GALNT13: variants seen among roughly 807,000 people sequenced by gnomAD.
GALNT13 encodes polypeptide N-acetylgalactosaminyltransferase 13.
Under a neutral mutation model 64.2 loss-of-function variants are expected in GALNT13, and 28 were observed. The ratio of observed to expected loss-of-function variants is 0.44; its 90% CI spans 0.32 to 0.60. GALNT13 has a LOEUF of 0.60. Ranked by LOEUF, GALNT13 falls within the 20% of genes least tolerant of loss-of-function variation. The pLI is 0.05. For synonymous variants in GALNT13, 214 were observed against 224.6 expected (o/e 0.95, Z 0.42); for missense variants, 577 against 669.8 (o/e 0.86, Z 1.53).
the GALNT13 span, among the ~76,000 whole-genome samples, chr2:153,266,442 G>C: frequency 0.026 from 3,987 of 152,230 alleles, 178 homozygotes; most frequent in African/African-American, 0.09. Context: ...GATACTGCCT[G>C]AGACTGGGTA....
chr2:153,772,596 C>A, the GALNT13 span, among the ~76,000 whole-genome samples: 3 of 152,170 alleles, frequency 2.0e-5, no homozygotes, highest in African/African-American at 4.8e-5. Flanking sequence ...TATCTTTATG[C>A]ACTGTTTTGC....
the GALNT13 span, among the ~76,000 whole-genome samples, chr2:153,625,434 T>A: frequency 1.6e-4 from 24 of 152,234 alleles, no homozygotes; most frequent in African/African-American, 5.8e-4. Flanking sequence ...ACTGTGACAG[T>A]TTAAGATATC....
intron 3 of GALNT13, among the ~76,000 whole-genome samples, chr2:153,996,005 T>A (rs1291783958): frequency 3.3e-5 from 5 of 152,222 alleles, no homozygotes; most frequent in Non-Finnish European, 7.4e-5. Flanking sequence ...ATGACAGGAT[T>A]TCCTTCTGGT....
the GALNT13 span, among the ~76,000 whole-genome samples, chr2:153,651,881 A>G: frequency 1.1e-4 from 17 of 152,218 alleles, no homozygotes; most frequent in African/African-American, 3.6e-4. Context: ...TGTATCTGTT[A>G]TTTTTACATA....
intron 3 of GALNT13, among the ~76,000 whole-genome samples, chr2:154,044,947 G>C (rs898169491): frequency 2.6e-5 from 4 of 151,434 alleles, no homozygotes; most frequent in Non-Finnish European, 5.9e-5. Context: ...CATCGTAATG[G>C]ATTAGATTTT....
the GALNT13 span, among the ~76,000 whole-genome samples, chr2:153,480,359 A>G: frequency 6.6e-6 from 1 of 152,038 alleles, no homozygotes; most frequent in Admixed American, 6.6e-5. Context: ...TGAGTTTTCA[A>G]TTTTTTGATA....
At chr2:153,474,141 G>C in the GALNT13 span, among the ~76,000 whole-genome samples, 1 of 152,150 alleles carries the variant, frequency 6.6e-6, no homozygotes, top group Non-Finnish European at 1.5e-5. Context: ...CTACACAAAA[G>C]ATCAAGACTG....
chr2:153,225,294 AT>A, the GALNT13 span, among the ~76,000 whole-genome samples: 1 of 152,220 alleles, frequency 6.6e-6, no homozygotes, highest in African/African-American at 2.4e-5. Flanking sequence ...ATGATTTAAA[AT>A]TTTTTTAAAA....
chr2:153,942,939 A>C (rs1273573507), intron 2 of GALNT13, among the ~76,000 whole-genome samples: 2 of 152,140 alleles, frequency 1.3e-5, no homozygotes, highest in Admixed American at 1.3e-4. Flanking sequence ...ACGTTTATGA[A>C]ATATTTCAAG....
At chr2:153,965,530 T>G (rs1693270818) in intron 3 of GALNT13, among the ~76,000 whole-genome samples, 1 of 152,156 alleles carries the variant, frequency 6.6e-6, no homozygotes, top group African/African-American at 2.4e-5. Flanking sequence ...AAATGACATA[T>G]TCTGCCATTT....
intron 3 of GALNT13, among the ~76,000 whole-genome samples, chr2:154,028,030 TG>T: frequency 6.6e-6 from 1 of 152,146 alleles, no homozygotes; most frequent in Non-Finnish European, 1.5e-5. Context: ...AGCCTTGATG[TG>T]CACACAGTTA....
chr2:153,490,658 T>A, the GALNT13 span, among the ~76,000 whole-genome samples: 2 of 152,186 alleles, frequency 1.3e-5, no homozygotes, highest in South Asian at 4.1e-4. Context: ...TCAGCTTCAC[T>A]TATGAGTAAA....
chr2:154,176,142 T>G (rs577765392), intron 4 of GALNT13, among the ~76,000 whole-genome samples: 15 of 152,176 alleles, frequency 9.9e-5, no homozygotes, highest in African/African-American at 2.6e-4. Flanking sequence ...TAACCCATTT[T>G]GTACTAGAAT....
the GALNT13 span, among the ~76,000 whole-genome samples, chr2:153,552,646 G>C: frequency 6.9e-6 from 1 of 144,632 alleles, no homozygotes; most frequent in Non-Finnish European, 1.5e-5. Flanking sequence ...TTAGGAAAAT[G>C]GGAAGGATGT....
chr2:153,726,617 A>T, the GALNT13 span, among the ~76,000 whole-genome samples: 257 of 152,240 alleles, frequency 1.7e-3, 1 homozygote, highest in African/African-American at 5.6e-3. Context: ...AAACCACGTC[A>T]TTTGGCTCAT....
At chr2:154,036,907 T>TA (rs983653220) in intron 3 of GALNT13, among the ~76,000 whole-genome samples, 11 of 151,964 alleles carry the variant, frequency 7.2e-5, no homozygotes, top group African/African-American at 1.2e-4. Flanking sequence ...TATCTGTATT[T>TA]AAAAAAAATC....
chr2:153,313,046 T>C, the GALNT13 span, among the ~76,000 whole-genome samples: 3 of 152,202 alleles, frequency 2.0e-5, no homozygotes, highest in African/African-American at 4.8e-5. Flanking sequence ...AAATAACAGA[T>C]GCTGGCTAGG....
the GALNT13 span, among the ~76,000 whole-genome samples, chr2:153,721,114 C>T: frequency 1.8e-4 from 27 of 147,292 alleles, no homozygotes; most frequent in Middle Eastern, 3.5e-3. Flanking sequence ...GCGGATCTCT[C>T]GGCAGAAACC....
At position 153,919,866 on chromosome 2, in the gene GALNT13, C is replaced by T. The variant is rs117757800; in HGVS notation, c.-105+18859C>T. The stretch of plus-strand genomic sequence containing the variant: ...AATTCTTATTGCTATGTTATAAACA[C>T]GGGAACAACTGGAGTTAACTGGGCA... On this transcript the variant is annotated intron_variant, in intron 2 of 12. Transcript: ENST00000392825. Among the ~76,000 whole-genome samples, 440 of 150,960 alleles carry T rather than the reference C, an allele frequency of 2.9e-3. 8 individuals are homozygous for T. In the East Asian group the frequency reaches 0.056, roughly 19 times the overall value.
Sources: gnomAD v4.1 joint callset for allele counts (sites outside exome capture counted in the v4.1 genomes callset) on GRCh38, gnomAD v4.1.1 for gene constraint, MANE v1.5 for transcripts, NCBI Gene and HGNC (gene_info 2026-07-23, HGNC 2026-07-21) for gene names.